The following ADAMTS19 variants were observed in gnomAD, a reference collection of about 807,000 sequenced individuals.
ADAMTS19 encodes the protein ADAM metallopeptidase with thrombospondin type 1 motif 19, also known as A disintegrin and metalloproteinase with thrombospondin motifs 19.
A neutral mutation model predicts 153.3 loss-of-function variants in ADAMTS19; 93 were observed. The ratio of observed to expected loss-of-function variants is 0.61; its 90% confidence interval spans 0.51 to 0.72. The LOEUF (loss-of-function observed/expected upper bound fraction) is 0.72, where lower values mean the gene tolerates loss of function less well. Ranked by LOEUF, ADAMTS19 falls within the 30% of genes least tolerant of loss-of-function variation. The pLI is 0.00. For missense variants in ADAMTS19, 1,482 were observed against 1,552.1 expected (o/e 0.95, Z 0.76); for synonymous variants, 600 against 556.6 (o/e 1.08, Z -1.10).
intron 21 of ADAMTS19, among the ~76,000 whole-genome samples, chr5:129,724,041 G>A (rs1159313870): frequency 1.3e-5 from 2 of 152,186 alleles, no homozygotes; most frequent in Non-Finnish European, 2.9e-5. Flanking sequence ...CTGTTCTTAT[G>A]CAAGTGCAGC....
chr5:129,461,428 C>T lies in ADAMTS19; in HGVS notation c.418C>T (p.Pro140Ser). ...ATCCAGCGGGGCTGCCGCCTTGTCC[C>T]CGGGCGCCCCGGCCTCGTGGCAGCC... is the stretch of plus-strand genomic sequence containing the variant. ...RGSSGAAALS[P>S]GAPASWQPPP... is the part of the protein sequence containing the mutation. The change falls in exon 2 of 23, where the codon CCG (proline) becomes TCG (serine). Residue 140 changes from proline to serine, a missense_variant. Pro to Ser is a moderately conservative substitution (Grantham distance 74). Transcript: ENST00000274487. This position sits in a 1 kb window ranked among gnomAD's most constrained non-coding sequence, Gnocchi z 4.6. The T allele has an allele frequency of 7.1e-7, 1 of 1,399,390 alleles. No individual in the cohort carries two copies. Among genetic ancestry groups the T allele is most frequent in the Non-Finnish European group, 9.2e-7 (1 of 1,089,486 alleles). 86.7% of individuals were successfully genotyped at this position (1,399,390 alleles called of 1,614,324 possible).
chr5:129,604,439 C>T (rs923770742), intron 8 of ADAMTS19, among the ~76,000 whole-genome samples: 2 of 152,162 alleles, frequency 1.3e-5, no homozygotes, highest in Admixed American at 1.3e-4. Flanking sequence ...AGTGGCACCA[C>T]CTCCTTCGTA....
At chr5:129,708,793 A>G (rs112806190) in intron 21 of ADAMTS19, among the ~76,000 whole-genome samples, 7 of 152,200 alleles carry the variant, frequency 4.6e-5, no homozygotes, top group African/African-American at 1.7e-4. Flanking sequence ...TTTATATTCT[A>G]CAATTCAAAC....
chr5:129,499,234 G>C (rs577349971), intron 2 of ADAMTS19, among the ~76,000 whole-genome samples: 78 of 152,128 alleles, frequency 5.1e-4, no homozygotes, highest in Admixed American at 8.5e-4. Context: ...ATACAAGAAA[G>C]TATATGAAAA....
chr5:129,617,969 C>T lies in ADAMTS19; in HGVS notation c.1479-2649C>T, dbSNP rs1751605700. ...AGTATAGAGGATCATTATGGTCTGT[C>T]TGTATTCCAGGCACTGGTCAGGCAC... On this transcript the variant is annotated intron_variant, in intron 8 of 22. Coordinates refer to ENST00000274487, the MANE Select transcript of ADAMTS19 (RefSeq NM_133638.6). Among the ~76,000 whole-genome samples, 4 of 152,132 alleles carry T rather than the reference C, an allele frequency of 2.6e-5. No individual in the cohort carries two copies. In the South Asian group the frequency reaches 8.3e-4, roughly 32 times the overall value.
chr5:129,631,634 T>C (rs1171632046), intron 10 of ADAMTS19, among the ~76,000 whole-genome samples: 1 of 151,952 alleles, frequency 6.6e-6, no homozygotes, highest in Non-Finnish European at 1.5e-5. Flanking sequence ...AGTATAACTT[T>C]TTTATATTGT....
chr5:129,647,946 CA>C (rs1276399967), intron 12 of ADAMTS19, 51 bp downstream of exon 12: 1 of 1,575,802 alleles, frequency 6.3e-7, no homozygotes, highest in African/African-American at 1.3e-5. Flanking sequence ...TTTTGGAATG[CA>C]AAGGTTTTAC....
chr5:129,564,455 T>G (rs977259227), intron 7 of ADAMTS19, among the ~76,000 whole-genome samples: 2 of 152,184 alleles, frequency 1.3e-5, no homozygotes, highest in African/African-American at 4.8e-5. Flanking sequence ...CCACCTTGGA[T>G]GCAAGTATAT....
intron 20 of ADAMTS19, among the ~76,000 whole-genome samples, chr5:129,702,496 C>T (rs993982709): frequency 6.6e-6 from 1 of 152,074 alleles, no homozygotes; most frequent in Non-Finnish European, 1.5e-5. Flanking sequence ...ATGAGGATAA[C>T]ATAGCTTAGA....
chr5:129,635,329 A>G (rs1752487872), intron 10 of ADAMTS19, among the ~76,000 whole-genome samples: 1 of 152,254 alleles, frequency 6.6e-6, no homozygotes, highest in Non-Finnish European at 1.5e-5. Flanking sequence ...TAGTTCAACC[A>G]TTGTGGAAAA....
Position 129,654,357 on chromosome 5 carries a change from T to C in ADAMTS19, c.2228T>C (p.Leu743Pro). The stretch of plus-strand genomic sequence containing the variant: ...CCTGTTGGAAAAGAACAGCCTATTC[T>C]TCTATCAGAAAAAGTGATGGATGGA... ...CSPVGKEQPI[L>P]LSEKVMDGTS... is the part of the protein sequence containing the mutation. The change falls in exon 14 of 23, where the codon CTT (leucine) becomes CCT (proline). Residue 743 changes from leucine (L) to proline (P), a missense_variant. Coordinates refer to ENST00000274487, the MANE Select transcript of ADAMTS19 (RefSeq NM_133638.6). The C allele has an allele frequency of 1.2e-6, 2 of 1,613,332 alleles. No homozygotes were observed. Among genetic ancestry groups the C allele is most frequent in the Non-Finnish European group, 1.7e-6 (2 of 1,179,744 alleles).
chr5:129,687,587 T>C (rs1755150078), intron 18 of ADAMTS19, among the ~76,000 whole-genome samples: 1 of 152,174 alleles, frequency 6.6e-6, no homozygotes, highest in Admixed American at 6.5e-5. Flanking sequence ...TCAGGAGAAA[T>C]ATTATCTATT....
At chr5:129,466,485 A>G (rs1261431235) in intron 2 of ADAMTS19, among the ~76,000 whole-genome samples, 1 of 151,846 alleles carries the variant, frequency 6.6e-6, no homozygotes, top group Non-Finnish European at 1.5e-5. Context: ...TGCTATCCAT[A>G]AAAAAAAGGT....
At position 129,679,815 on chromosome 5, in the gene ADAMTS19, A is replaced by G. The variant is rs767337934; in HGVS notation, c.2558A>G (p.His853Arg). ...QSINSDWKIEHSGAFNLAGTT... is the reference protein window; with the variant it reads ...QSINSDWKIERSGAFNLAGTT... ...ATTAATAGTGACTGGAAGATTGAACACTCTGGAGCCTTCAATTTGGCTGGA... is the reference window on the plus strand; with the variant it reads ...ATTAATAGTGACTGGAAGATTGAACGCTCTGGAGCCTTCAATTTGGCTGGA... The change falls in exon 17 of 23, where the codon CAC (histidine) becomes CGC (arginine). Residue 853 changes from histidine (H) to arginine (R), a missense_variant. Physicochemically the swap from His to Arg is conservative, Grantham distance 29 (BLOSUM62 0). Transcript: ENST00000274487. 2.0e-5 allele frequency: 32 copies of G among 1,613,628 alleles called. No homozygotes were observed. The highest frequency in any genetic ancestry group is 1.7e-4 in the Middle Eastern group (1 of 6,052).
intron 21 of ADAMTS19, among the ~76,000 whole-genome samples, chr5:129,718,785 A>T (rs982024056): frequency 6.6e-5 from 10 of 152,204 alleles, no homozygotes; most frequent in African/African-American, 2.4e-4. Context: ...ATTGGCACTT[A>T]TCATTACAGA....
At chr5:129,649,196 A>T (rs1051634343) in intron 13 of ADAMTS19, among the ~76,000 whole-genome samples, 1 of 152,244 alleles carries the variant, frequency 6.6e-6, no homozygotes, top group African/African-American at 2.4e-5. Context: ...AATACAAAGC[A>T]GTGACAACAC....
intron 7 of ADAMTS19, among the ~76,000 whole-genome samples, chr5:129,571,058 C>A (rs1753887178): frequency 6.6e-6 from 1 of 151,584 alleles, no homozygotes; most frequent in Non-Finnish European, 1.5e-5. Context: ...AAAAATAATC[C>A]CAGATATGCA....
At chr5:129,662,823 T>G (rs188353619) in intron 15 of ADAMTS19, among the ~76,000 whole-genome samples, 3 of 152,108 alleles carry the variant, frequency 2.0e-5, no homozygotes, top group African/African-American at 7.2e-5. Context: ...TCTTGAGATA[T>G]TCTCATCCAT....
chr5:129,495,826 G>A (rs907274562), intron 2 of ADAMTS19, among the ~76,000 whole-genome samples: 2 of 151,992 alleles, frequency 1.3e-5, no homozygotes, highest in Non-Finnish European at 2.9e-5. Flanking sequence ...GAGTGTTTTG[G>A]GATTGATTCA....
Sources: gnomAD v4.1 joint callset for allele counts (sites outside exome capture counted in the v4.1 genomes callset) on GRCh38, gnomAD v4.1.1 for gene constraint, Gnocchi (gnomAD v3.1) non-coding constraint, MANE v1.5 for transcripts, NCBI Gene and HGNC (gene_info 2026-07-23, HGNC 2026-07-21) for gene names.